Variants in USP4 observed in about 807,000 individuals in gnomAD.
The protein encoded by USP4 is ubiquitin carboxyl-terminal hydrolase 4.
USP4 carries 72 observed loss-of-function variants against 118.2 expected under a neutral mutation model. The ratio of observed to expected loss-of-function variants is 0.61; its 90% confidence interval spans 0.50 to 0.74. The LOEUF is 0.74. Among genes scored for constraint, USP4 ranks in the 30% least tolerant of loss-of-function variants. The pLI, the probability that USP4 is intolerant of heterozygous loss-of-function variation, is 0.00. For missense variants in USP4, 1,037 were observed against 1,185.7 expected (o/e 0.87, Z 1.84); for synonymous variants, 415 against 440.4 (o/e 0.94, Z 0.72).
intron 6 of USP4, among the ~76,000 whole-genome samples, chr3:49,323,578 T>TA (rs1349697266): frequency 3.9e-5 from 6 of 152,214 alleles, no homozygotes; most frequent in Non-Finnish European, 8.8e-5. Flanking sequence ...TTATTTATCT[T>TA]GTCAACAACT....
chr3:49,285,982 G>C, intron 16 of USP4, 116 bp downstream of exon 16: 1 of 951,560 alleles, frequency 1.1e-6, no homozygotes, highest in Non-Finnish European at 1.6e-6. Flanking sequence ...TACAAGTGCT[G>C]CTCCTGGAGG....
chr3:49,300,479 G>C lies in USP4; in HGVS notation c.1500C>G (p.Cys500Trp). 6 of 1,614,100 alleles carry C rather than the reference G, an allele frequency of 3.7e-6. No individual in the cohort carries two copies. Among genetic ancestry groups the C allele is most frequent in the Non-Finnish European group, 5.1e-6 (6 of 1,179,972 alleles). Residue 500 changes from cysteine (C) to tryptophan (W), a missense_variant, in exon 11 of 22, where the codon TGC (cysteine) becomes TGG (tryptophan). By Grantham distance (215) the Cys-to-Trp change is radical. This residue lies in a region of USP4 where 522 missense variants were observed against 592.6 expected (regional missense o/e 0.88). Coordinates refer to ENST00000265560, the MANE Select transcript of USP4 (RefSeq NM_003363.4). ...EVFLVPADPHCRPTQYRVTVP... is the reference protein window; with the variant it reads ...EVFLVPADPHWRPTQYRVTVP... ...TGGATTCTGTCACCTGAGTAGGTCTGCAGTGAGGGTCAGCAGGAACCAGGA... is the reference window on the plus strand; with the variant it reads ...TGGATTCTGTCACCTGAGTAGGTCTCCAGTGAGGGTCAGCAGGAACCAGGA...
chr3:49,326,654 C>T (rs2047558427), intron 3 of USP4, among the ~76,000 whole-genome samples: 1 of 151,142 alleles, frequency 6.6e-6, no homozygotes, highest in African/African-American at 2.4e-5. Flanking sequence ...CTCAGCCTCC[C>T]AAAGTGCTGG....
In USP4 at chr3:49,318,713, A is replaced by G. The variant is rs540813752; in HGVS notation, c.695+5989T>C. 36 of 643,494 alleles carry G rather than the reference A, an allele frequency of 5.6e-5. No individual in the cohort carries two copies. In the South Asian group the frequency reaches 2.3e-3, roughly 42 times the overall value. The allele number at this position is 643,494 out of a possible 1,614,324, so 39.9% of individuals were successfully genotyped here. A position where few individuals can be genotyped will look rare whatever the true frequency, so the allele number is the denominator to read the frequency against. Reference sequence around the variant, plus strand: ...CACCTGAGGCCAGGAGTTCGAGACCAGCCTGGCCAACGTGGTGAAATCCCA... The same window carrying G: ...CACCTGAGGCCAGGAGTTCGAGACCGGCCTGGCCAACGTGGTGAAATCCCA... On this transcript the variant is annotated intron_variant, in intron 6 of 21. Transcript: ENST00000265560.
chr3:49,284,960 C>A, intron 16 of USP4, 41 bp from the exon 17 acceptor site: 2 of 1,545,930 alleles, frequency 1.3e-6, no homozygotes, highest in Non-Finnish European at 1.8e-6. Context: ...GAATGGCAAG[C>A]AACAGGAAAG....
chr3:49,299,549 T>A (rs544522696), intron 11 of USP4, among the ~76,000 whole-genome samples: 2 of 151,074 alleles, frequency 1.3e-5, no homozygotes, highest in African/African-American at 4.9e-5. Flanking sequence ...CCCGCCACCA[T>A]GCCTGGCTAA....
intron 19 of USP4, among the ~76,000 whole-genome samples, chr3:49,281,476 GTATA>G (rs568103712): frequency 0.025 from 2,627 of 105,830 alleles, 54 homozygotes; most frequent in African/African-American, 0.059. Flanking sequence ...AAAAGTATGT[GTATA>G]TATATATATA....
intron 2 of USP4, among the ~76,000 whole-genome samples, chr3:49,328,118 C>T (rs563093161): frequency 4.6e-5 from 7 of 152,130 alleles, no homozygotes; most frequent in South Asian, 2.1e-4. Flanking sequence ...TCAGCACTTT[C>T]GGAGGCTGAG....
chr3:49,335,810 G>A (rs1048476659), intron 1 of USP4, among the ~76,000 whole-genome samples: 1 of 152,200 alleles, frequency 6.6e-6, no homozygotes, highest in Non-Finnish European at 1.5e-5. Flanking sequence ...ATTGTTCAAA[G>A]AGTGAATAAA....
In USP4 at chr3:49,335,564, C is replaced by T; in HGVS notation, c.134G>A (p.Trp45Ter). The change falls in exon 2 of 22, where the codon TGG becomes TAG. Residue 45 changes from tryptophan (W) to a stop codon, truncating the protein, a stop_gained. Transcript: ENST00000265560. LOFTEE classifies it high-confidence loss of function. ...YLIDSRWFKQWKKYVGFDSWD... is the reference protein window; with the variant it reads ...YLIDSRWFKQ ...GCTGTCAAAGCCCACATACTTCTTC[C>T]ACTGCTTGAACCACCGGCTGTCAAT... 4.3e-6 allele frequency: 7 copies of T among 1,614,178 alleles called. No individual in the cohort carries two copies. Among genetic ancestry groups the T allele is most frequent in the Non-Finnish European group, 5.9e-6 (7 of 1,180,046 alleles).
intron 14 of USP4, among the ~76,000 whole-genome samples, chr3:49,293,810 C>T (rs188899986): frequency 2.0e-5 from 3 of 152,182 alleles, no homozygotes; most frequent in East Asian, 1.9e-4. Flanking sequence ...AGCTTCAGAA[C>T]GATAGTGGAA....
chr3:49,339,866 AGGCCCCTTTTTCTC>A (rs1392391601), intron 1 of USP4, 44 bp downstream of exon 1: 1 of 1,421,774 alleles, frequency 7.0e-7, no homozygotes, highest in African/African-American at 1.4e-5. Context: ...GAGAAAAAGG[AGGCCCCTTTTTCTC>A]GGCCCCTGGT....
intron 19 of USP4, among the ~76,000 whole-genome samples, chr3:49,283,577 T>C (rs1039994210): frequency 1.3e-5 from 2 of 152,102 alleles, no homozygotes; most frequent in Non-Finnish European, 2.9e-5. Context: ...TCATGGCAGG[T>C]GTGCAGCCCA....
At chr3:49,317,549 T>G (rs1396947079) in intron 6 of USP4, 21 of 610,944 alleles carry the variant, frequency 3.4e-5, no homozygotes, top group East Asian at 5.5e-5. Context: ...TTTGTTTTTT[T>G]TTTTTTTTTG....
At chr3:49,328,795 G>A (rs189209256) in intron 2 of USP4, among the ~76,000 whole-genome samples, 1 of 152,110 alleles carries the variant, frequency 6.6e-6, no homozygotes, top group Admixed American at 6.6e-5. Context: ...AGGAGGTGGA[G>A]ACTGCAGTGA....
chr3:49,292,397 G>A (rs2047160783), intron 15 of USP4, 113 bp downstream of exon 15: 2 of 571,604 alleles, frequency 3.5e-6, no homozygotes, highest in Non-Finnish European at 5.8e-6. Context: ...GCTGTAGGCA[G>A]AGCCCCAACC....
At chr3:49,335,332 G>T in intron 2 of USP4, 137 bp downstream of exon 2, 1 of 1,227,114 alleles carries the variant, frequency 8.1e-7, no homozygotes, top group Non-Finnish European at 1.1e-6. Flanking sequence ...AAAGACTTCT[G>T]CTATAGATGC....
intron 11 of USP4, among the ~76,000 whole-genome samples, chr3:49,299,672 G>A (rs559986610): frequency 1.3e-5 from 2 of 152,194 alleles, no homozygotes; most frequent in Admixed American, 6.5e-5. Flanking sequence ...GATTACAGGC[G>A]TGAGCCACCG....
At chr3:49,284,300 C>T (rs924450106) in intron 18 of USP4, among the ~76,000 whole-genome samples, 164 bp from the exon 19 acceptor site, 8 of 152,198 alleles carry the variant, frequency 5.3e-5, no homozygotes, top group African/African-American at 1.2e-4. Context: ...AATGGGGTGA[C>T]GGCTTTCCTT....
Sources: gnomAD v4.1 joint callset for allele counts (sites outside exome capture counted in the v4.1 genomes callset) on GRCh38, gnomAD v4.1.1 for gene constraint, gnomAD v4.1.1 regional missense constraint, MANE v1.5 for transcripts, NCBI Gene and HGNC (gene_info 2026-07-23, HGNC 2026-07-21) for gene names.